The following DYNC1I1 variants were observed in gnomAD, a reference collection of about 807,000 sequenced individuals.
DYNC1I1 encodes the protein cytoplasmic dynein 1 intermediate chain 1.
In DYNC1I1, 43 loss-of-function variants were observed where a neutral mutation model predicts 86.6. That is an observed-to-expected ratio of 0.50 (90% confidence interval 0.39 to 0.64). The LOEUF is 0.64. DYNC1I1 is among the 30% of genes least tolerant of loss of function. The pLI is 0.00. For missense variants in DYNC1I1, 604 were observed against 788.8 expected (o/e 0.77, Z 2.81); for synonymous variants, 262 against 283.7 (o/e 0.92, Z 0.77).
intron 1 of DYNC1I1, among the ~76,000 whole-genome samples, chr7:95,789,442 A>G (rs990182352): frequency 1.3e-5 from 2 of 152,176 alleles, no homozygotes; most frequent in African/African-American, 4.8e-5. Context: ...TTTCGAGAAC[A>G]CCCACTTTGA....
intron 2 of DYNC1I1, among the ~76,000 whole-genome samples, chr7:95,809,201 A>G (rs1210498987): frequency 3.3e-5 from 5 of 152,184 alleles, no homozygotes; most frequent in Admixed American, 1.3e-4. Context: ...ACAGAGACAT[A>G]TGCAAAGATG....
At chr7:96,007,561 G>C (rs1162112422) in intron 10 of DYNC1I1, among the ~76,000 whole-genome samples, 3 of 152,174 alleles carry the variant, frequency 2.0e-5, no homozygotes, top group Non-Finnish European at 4.4e-5. Context: ...GCAAAATTCG[G>C]AGATAGCAAA....
chr7:95,825,037 C>T (rs1364022026), intron 4 of DYNC1I1, among the ~76,000 whole-genome samples: 3 of 152,198 alleles, frequency 2.0e-5, no homozygotes, highest in African/African-American at 4.8e-5. Context: ...CATTTGATAG[C>T]ATCCTTGGCT....
intron 2 of DYNC1I1, among the ~76,000 whole-genome samples, chr7:95,809,561 A>C (rs1249607549): frequency 6.6e-6 from 1 of 152,122 alleles, no homozygotes; most frequent in East Asian, 1.9e-4. Flanking sequence ...GAGAGAAGAG[A>C]CTTGGAATTT....
chr7:95,968,611 G>A (rs889114656), intron 6 of DYNC1I1, among the ~76,000 whole-genome samples: 1 of 152,140 alleles, frequency 6.6e-6, no homozygotes, highest in Non-Finnish European at 1.5e-5. Flanking sequence ...CTGTGACTCT[G>A]ATTTTCTTTT....
At chr7:96,026,801 ATC>A (rs1483890771) in intron 10 of DYNC1I1, among the ~76,000 whole-genome samples, 1 of 152,026 alleles carries the variant, frequency 6.6e-6, no homozygotes, top group Non-Finnish European at 1.5e-5. Flanking sequence ...CTTTCCAACC[ATC>A]TCACCATTTC....
At chr7:96,006,370 C>T (rs538575512) in intron 10 of DYNC1I1, among the ~76,000 whole-genome samples, 76 of 152,262 alleles carry the variant, frequency 5.0e-4, no homozygotes, top group Non-Finnish European at 9.4e-4. Context: ...GAAAACCCCA[C>T]CTGAGCCTTT....
At chr7:95,894,367 C>T (rs1369878328) in intron 6 of DYNC1I1, among the ~76,000 whole-genome samples, 1 of 151,902 alleles carries the variant, frequency 6.6e-6, no homozygotes, top group Non-Finnish European at 1.5e-5. Context: ...TCTCTAGGGT[C>T]TCTTTATAAG....
intron 6 of DYNC1I1, among the ~76,000 whole-genome samples, chr7:95,875,360 G>A (rs1165556238): frequency 6.6e-6 from 1 of 152,196 alleles, no homozygotes; most frequent in Non-Finnish European, 1.5e-5. Flanking sequence ...AGCATTGCTA[G>A]AATTTACTCA....
At position 95,980,699 on chromosome 7, in the gene DYNC1I1, T is replaced by A. The variant is rs191692624; in HGVS notation, c.580+3098T>A. 3.6e-3 allele frequency among the ~76,000 whole-genome samples: 544 copies of A among 152,170 alleles called. 2 individuals are homozygous for A. Among genetic ancestry groups the A allele is most frequent in the African/African-American group, 0.012 (509 of 41,542 alleles). ...AAATGCAGTCTTGATTTATTACTGTTTCACTTTTTTCTGCCATAGAGTAGG... is the reference window on the plus strand; with the variant it reads ...AAATGCAGTCTTGATTTATTACTGTATCACTTTTTTCTGCCATAGAGTAGG... On this transcript the variant is annotated intron_variant, in intron 7 of 16. Coordinates refer to ENST00000447467, the MANE Select transcript of DYNC1I1 (RefSeq NM_001135556.2).
chr7:95,997,627 CT>C (rs1793902903), intron 10 of DYNC1I1, among the ~76,000 whole-genome samples: 1 of 104,142 alleles, frequency 9.6e-6, no homozygotes, highest in Non-Finnish European at 2.1e-5. Context: ...GTGTGTGTAT[CT>C]TTGGGATCAT....
intron 6 of DYNC1I1, among the ~76,000 whole-genome samples, chr7:95,921,346 T>A (rs1255995658): frequency 1.3e-5 from 2 of 152,152 alleles, no homozygotes; most frequent in Non-Finnish European, 2.9e-5. Flanking sequence ...TATTACAGAT[T>A]CCTAAATATG....
chr7:95,987,255 T>C (rs1210772982), intron 9 of DYNC1I1, 100 bp downstream of exon 9: 9 of 1,048,730 alleles, frequency 8.6e-6, no homozygotes, highest in Non-Finnish European at 1.3e-5. Context: ...ATTTCCTCTC[T>C]ATGCCTGTTG....
intron 16 of DYNC1I1, among the ~76,000 whole-genome samples, chr7:96,105,723 T>C (rs1031757852): frequency 6.6e-6 from 1 of 152,194 alleles, no homozygotes; most frequent in African/African-American, 2.4e-5. Context: ...TTGGTATTAC[T>C]TCTTTCTTAA....
intron 10 of DYNC1I1, among the ~76,000 whole-genome samples, chr7:96,016,660 T>A (rs994151299): frequency 1.3e-5 from 2 of 152,132 alleles, no homozygotes; most frequent in African/African-American, 2.4e-5. Context: ...TTCTCTTGGA[T>A]TCTGTAGCTG....
At chr7:95,845,189 TGAAA>T (rs1425007329) in intron 5 of DYNC1I1, among the ~76,000 whole-genome samples, 1 of 152,182 alleles carries the variant, frequency 6.6e-6, no homozygotes, top group Admixed American at 6.5e-5. Flanking sequence ...CATTCTTGGC[TGAAA>T]GAGAGAATGT....
intron 6 of DYNC1I1, among the ~76,000 whole-genome samples, chr7:95,956,322 C>G (rs1453365673): frequency 6.6e-6 from 1 of 151,588 alleles, no homozygotes; most frequent in East Asian, 1.9e-4. Context: ...ACTTAGCCAC[C>G]TTTGCTATCT....
rs568162234 is a variant in DYNC1I1 at position 96,075,819 on chromosome 7, G to A, written c.1510-238G>A. Among the ~76,000 whole-genome samples the A allele has an allele frequency of 5.3e-5, 8 of 152,070 alleles. No individual in the cohort carries two copies. In the South Asian group the frequency reaches 1.7e-3, roughly 32 times the overall value. On this transcript the variant is annotated intron_variant, in intron 14 of 16. Coordinates refer to ENST00000447467, the MANE Select transcript of DYNC1I1 (RefSeq NM_001135556.2). ...TCATACAACTCTGTTGTCTGAAACC[G>A]CCTCCCCACCCCCGGTCCCAGCCAC...
intron 6 of DYNC1I1, among the ~76,000 whole-genome samples, chr7:95,900,893 ATAAGT>A (rs1288489674): frequency 9.2e-5 from 14 of 152,344 alleles, no homozygotes; most frequent in African/African-American, 3.1e-4. Flanking sequence ...TTCCTTCTAA[ATAAGT>A]TGAGTGTATT....
Sources: allele counts gnomAD v4.1 joint callset (sites outside exome capture counted in the v4.1 genomes callset), GRCh38; gene constraint gnomAD v4.1.1; transcripts MANE v1.5; gene names NCBI Gene and HGNC (gene_info 2026-07-23, HGNC 2026-07-21).